The following PHRF1 variants were observed in gnomAD, a reference collection of about 807,000 sequenced individuals.
PHRF1 encodes the protein PHD and RING finger domain-containing protein 1.
In PHRF1, 53 loss-of-function variants were observed where a neutral mutation model predicts 128.9. The observed-to-expected ratio is 0.41, with a 90% confidence interval of 0.33 to 0.52. PHRF1 has a LOEUF of 0.52. PHRF1 is among the 20% of genes least tolerant of loss of function. The pLI is 0.21. For synonymous variants in PHRF1, 1,178 were observed against 980.6 expected (o/e 1.20, Z -3.76); for missense variants, 2,503 against 2,284.5 (o/e 1.10, Z -1.95).
intron 1 of PHRF1, among the ~76,000 whole-genome samples, chr11:579,800 T>A (rs1241199900): frequency 2.6e-5 from 4 of 152,210 alleles, no homozygotes; most frequent in Non-Finnish European, 5.9e-5. Flanking sequence ...CAGTTGACAG[T>A]TGGATGGAGT....
At chr11:583,935 A>G (rs1391692582) in intron 3 of PHRF1, among the ~76,000 whole-genome samples, 1 of 152,176 alleles carries the variant, frequency 6.6e-6, no homozygotes, top group Non-Finnish European at 1.5e-5. Context: ...TCCTTCTGAC[A>G]TCACCCTTGG....
Position 607,337 on chromosome 11 carries a change from C to A in PHRF1, c.1881C>A (p.Ser627Arg). Residue 627 changes from serine to arginine, a missense_variant, in exon 14 of 18, where the codon AGC (serine) becomes AGA (arginine). Ser to Arg is a moderately radical substitution (Grantham distance 110). Transcript: ENST00000264555. Reference sequence around the variant, plus strand: ...GGAGTGTGCCTGGCTTCAGACAGAGCCACAGCCCCTGGTTCAACGGCACCA... The same window carrying A: ...GGAGTGTGCCTGGCTTCAGACAGAGACACAGCCCCTGGTTCAACGGCACCA... The part of the protein sequence containing the change: ...SNGSVPGFRQ[S>R]HSPWFNGTNK... 1 of 1,612,742 alleles carries A rather than the reference C, an allele frequency of 6.2e-7. No homozygotes were observed. The highest frequency in any genetic ancestry group is 8.5e-7 in the Non-Finnish European group (1 of 1,179,888).
At position 611,881 on chromosome 11, in the gene PHRF1, G is replaced by A. The variant is rs1004988439; in HGVS notation, c.*104G>A. ...AGTGGCGGGAATCGGGGCCATGCCC[G>A]GGGAGCTGTCGGGAGTGGCGGGAAA... On this transcript the variant is annotated 3_prime_UTR_variant, in exon 18 of 18. Transcript: ENST00000264555. 9 of 1,478,752 alleles carry A rather than the reference G, an allele frequency of 6.1e-6. 1 individual carries two copies. Among genetic ancestry groups the A allele is most frequent in the Admixed American group, 2.2e-5 (1 of 44,790 alleles). The allele number at this position is 1,478,752 out of a possible 1,614,324, so 91.6% of individuals were successfully genotyped here.
chr11:589,820 G>C (rs944541803), intron 4 of PHRF1, among the ~76,000 whole-genome samples: 1 of 149,902 alleles, frequency 6.7e-6, no homozygotes, highest in African/African-American at 2.5e-5. Context: ...CAGAGCGTGC[G>C]GGGCTCAGCC....
intron 9 of PHRF1, 91 bp from the exon 10 acceptor site, chr11:601,483 C>A (rs561205566): frequency 6.4e-7 from 1 of 1,559,904 alleles, no homozygotes; most frequent in African/African-American, 1.4e-5. Flanking sequence ...TGTACCGGCT[C>A]CTTGGGCTCC....
chr11:581,304 CTG>C (rs1424601580), intron 1 of PHRF1, among the ~76,000 whole-genome samples, 186 bp from the exon 2 acceptor site: 1 of 150,114 alleles, frequency 6.7e-6, no homozygotes, highest in Non-Finnish European at 1.5e-5. Flanking sequence ...CACTGGGACA[CTG>C]GGGTGTGGCC....
At position 611,625 on chromosome 11, in the gene PHRF1, T is replaced by C. The variant is rs1345445456; in HGVS notation, c.4807-9T>C. Reference sequence around the variant, plus strand: ...AAAGGGCATTTGGTGATTGCACCTCTTTCTCCAGATCTGCCACAGCAAGAG... The same window carrying C: ...AAAGGGCATTTGGTGATTGCACCTCCTTCTCCAGATCTGCCACAGCAAGAG... On this transcript the variant is annotated splice_polypyrimidine_tract_variant and intron_variant, in intron 17 of 17. Coordinates refer to ENST00000264555, the MANE Select transcript of PHRF1 (RefSeq NM_001286581.2). 1 of 1,612,882 alleles carries C rather than the reference T, an allele frequency of 6.2e-7. No homozygotes were observed. The highest frequency in any genetic ancestry group is 2.2e-5 in the East Asian group (1 of 44,882).
intron 3 of PHRF1, among the ~76,000 whole-genome samples, chr11:585,289 C>T (rs1842399191): frequency 9.0e-6 from 1 of 110,802 alleles, no homozygotes; most frequent in Non-Finnish European, 1.9e-5. Context: ...CCCTTTCCAG[C>T]TTGAGGTAGT....
At position 597,690 on chromosome 11, in the gene PHRF1, C is replaced by T; in HGVS notation, c.894+120C>T. The T allele has an allele frequency of 3.8e-6, 5 of 1,324,054 alleles. No individual in the cohort carries two copies. Among genetic ancestry groups the T allele is most frequent in the Non-Finnish European group, 5.1e-6 (5 of 976,292 alleles). The allele number at this position is 1,324,054 out of a possible 1,614,324, so 82.0% of individuals were successfully genotyped here. ...TGGGGTCCGCCCGGCCCCGGTGGCT[C>T]ATGTTGTTCGGCCTGCTGAGGGGAG... On this transcript the variant is annotated intron_variant, in intron 8 of 17. Transcript: ENST00000264555. This position sits in a 1 kb window ranked among gnomAD's most constrained non-coding sequence, Gnocchi z 6.5.
At chr11:590,611 A>G (rs1479532410) in intron 4 of PHRF1, among the ~76,000 whole-genome samples, 2 of 152,202 alleles carry the variant, frequency 1.3e-5, no homozygotes, top group African/African-American at 2.4e-5. Context: ...GTACCTTAAT[A>G]AAGCCAACAT....
At chr11:595,499 C>T (rs1855225827) in intron 6 of PHRF1, among the ~76,000 whole-genome samples, 1 of 152,208 alleles carries the variant, frequency 6.6e-6, no homozygotes, top group South Asian at 2.1e-4. Context: ...TGAGCACCTT[C>T]AGCTGCAGGG....
rs1055382 is a variant in PHRF1, at chr11:612,182, T to C, written c.*405T>C. 0.29 allele frequency: 87,560 copies of C among 306,236 alleles called. 15,057 individuals carry two copies. Among genetic ancestry groups the C allele is most frequent in the African/African-American group, 0.52 (24,271 of 46,868 alleles). 19.0% of individuals were successfully genotyped at this position (306,236 alleles called of 1,614,324 possible). On this transcript the variant is annotated 3_prime_UTR_variant, in exon 18 of 18. Transcript: ENST00000264555. ...TCCCGCCAACAGCTGCTGTGTACCTTTGGCTCTGAATTAGGAATATCTTTA... is the reference window on the plus strand; with the variant it reads ...TCCCGCCAACAGCTGCTGTGTACCTCTGGCTCTGAATTAGGAATATCTTTA...
rs915405364 is a variant in PHRF1 at position 610,354 on chromosome 11, G to A, written c.4416+7G>A. On this transcript the variant is annotated splice_region_variant and intron_variant, in intron 15 of 17. Coordinates refer to ENST00000264555, the MANE Select transcript of PHRF1 (RefSeq NM_001286581.2). ...AGACACAGACCCCTCTCAGGTGGGTGTCTGGGCTGGAGGGCTGTGGGCCGT... is the reference window on the plus strand; with the variant it reads ...AGACACAGACCCCTCTCAGGTGGGTATCTGGGCTGGAGGGCTGTGGGCCGT... 6.4e-7 allele frequency: 1 copy of A among 1,556,900 alleles called. No individual in the cohort carries two copies. Among genetic ancestry groups the A allele is most frequent in the Non-Finnish European group, 8.7e-7 (1 of 1,150,258 alleles).
chr11:592,529 G>C lies in PHRF1; in HGVS notation c.505-30G>C, dbSNP rs201999507. Reference sequence around the variant, plus strand: ...AGTGACTGCGGGGAGTTTGGGTCCTGTGTGGTGGTGACCGACGATTCTGTC... The same window carrying C: ...AGTGACTGCGGGGAGTTTGGGTCCTCTGTGGTGGTGACCGACGATTCTGTC... On this transcript the variant is annotated intron_variant, in intron 5 of 17. Coordinates refer to ENST00000264555, the MANE Select transcript of PHRF1 (RefSeq NM_001286581.2). 5.0e-4 allele frequency: 795 copies of C among 1,603,556 alleles called. 5 individuals are homozygous for C. In the Middle Eastern group the frequency reaches 0.015, roughly 31 times the overall value.
Position 596,106 on chromosome 11 carries a change from T to C in PHRF1, c.621-817T>C, listed in dbSNP as rs559555819. Among the ~76,000 whole-genome samples, 4 of 152,350 alleles carry C rather than the reference T, an allele frequency of 2.6e-5. No individual in the cohort carries two copies. The East Asian group carries it at 7.7e-4, about 29-fold the overall frequency. Reference sequence around the variant, plus strand: ...CAGTTCAGCCCGTGGTAAGTGGTAGTTAAGTTCAGTTGAATTCAGGCTCAA... The same window carrying C: ...CAGTTCAGCCCGTGGTAAGTGGTAGCTAAGTTCAGTTGAATTCAGGCTCAA... On this transcript the variant is annotated intron_variant, in intron 6 of 17. Coordinates refer to ENST00000264555, the MANE Select transcript of PHRF1 (RefSeq NM_001286581.2).
chr11:611,593 G>A, intron 17 of PHRF1, 41 bp from the exon 18 acceptor site: 10 of 1,612,006 alleles, frequency 6.2e-6, no homozygotes, highest in Non-Finnish European at 8.5e-6. Flanking sequence ...CGGAACATCT[G>A]GATGTGAAAG....
chr11:592,767 C>CG, intron 6 of PHRF1, 93 bp downstream of exon 6: 5 of 1,385,246 alleles, frequency 3.6e-6, no homozygotes, highest in Non-Finnish European at 5.1e-6. Flanking sequence ...TCTGTGAAGT[C>CG]TGAGTCCCAG....
At chr11:589,848 ACGGGCACGGAGCG>A (rs1210200830) in intron 4 of PHRF1, among the ~76,000 whole-genome samples, 198 of 147,912 alleles carry the variant, frequency 1.3e-3, no homozygotes, top group African/African-American at 4.8e-3. Flanking sequence ...GAGTCTGCAA[ACGGGCACGGAGCG>A]TGCGGGGCTC....
At chr11:577,203 C>T (rs1304355318) in intron 1 of PHRF1, among the ~76,000 whole-genome samples, 1 of 152,170 alleles carries the variant, frequency 6.6e-6, no homozygotes, top group Non-Finnish European at 1.5e-5. Context: ...GTATTGTTCC[C>T]GTTTTACAGA....
Sources: gnomAD v4.1 joint callset for allele counts (sites outside exome capture counted in the v4.1 genomes callset) on GRCh38, gnomAD v4.1.1 for gene constraint, Gnocchi (gnomAD v3.1) non-coding constraint, MANE v1.5 for transcripts, NCBI Gene and HGNC (gene_info 2026-07-23, HGNC 2026-07-21) for gene names.